The following S100A8 variants were observed in gnomAD, a reference collection of about 807,000 sequenced individuals.
S100A8 encodes protein S100-A8.
In S100A8, 1 loss-of-function variant was observed where a neutral mutation model predicts 4.2. The observed-to-expected ratio is 0.24, with a 90% CI of 0.08 to 1.12. S100A8 has a LOEUF of 1.12. Ranked by LOEUF, S100A8 falls within the 50% of genes most tolerant of loss-of-function variation. The pLI is 0.53. For missense variants in S100A8, 96 were observed against 111.8 expected (o/e 0.86, Z 0.64); for synonymous variants, 41 against 44.7 (o/e 0.92, Z 0.33).
chr1:153,403,588 G>A, the S100A8 span, among the ~76,000 whole-genome samples: 12 of 151,370 alleles, frequency 7.9e-5, no homozygotes, highest in South Asian at 6.3e-4. Context: ...CCCACTCCAC[G>A]TCCACCCTGT....
chr1:153,416,051 G>A, the S100A8 span, among the ~76,000 whole-genome samples: 1 of 152,202 alleles, frequency 6.6e-6, no homozygotes, highest in Non-Finnish European at 1.5e-5. Context: ...TGAGGGGAGG[G>A]TTGAGGAGGA....
the S100A8 span, among the ~76,000 whole-genome samples, chr1:153,398,762 G>A: frequency 3.9e-5 from 6 of 152,140 alleles, no homozygotes; most frequent in South Asian, 2.1e-4. Context: ...TAACCCTCAC[G>A]TGGGCCATAG....
the S100A8 span, among the ~76,000 whole-genome samples, chr1:153,400,387 C>G: frequency 6.6e-6 from 1 of 152,086 alleles, no homozygotes; most frequent in African/African-American, 2.4e-5. Flanking sequence ...CCAACTCACC[C>G]CAACACAAGA....
At chr1:153,417,726 G>A in the S100A8 span, among the ~76,000 whole-genome samples, 4 of 152,192 alleles carry the variant, frequency 2.6e-5, no homozygotes, top group African/African-American at 7.2e-5. Flanking sequence ...AGTGGGGTCC[G>A]CCATGTGCTG....
At chr1:153,402,819 A>C in the S100A8 span, among the ~76,000 whole-genome samples, 1 of 152,188 alleles carries the variant, frequency 6.6e-6, no homozygotes, top group Non-Finnish European at 1.5e-5. Flanking sequence ...GGGAATCATG[A>C]AAAAGAAAAG....
At chr1:153,416,506 C>G in the S100A8 span, 110 of 467,370 alleles carry the variant, frequency 2.4e-4, 1 homozygote, top group Admixed American at 2.8e-3. Context: ...AAGGACTGCT[C>G]TTTGTCCAAA....
the S100A8 span, among the ~76,000 whole-genome samples, chr1:153,411,430 G>A: frequency 4.6e-5 from 7 of 152,272 alleles, no homozygotes; most frequent in South Asian, 2.1e-4. Context: ...CAAGGGATGC[G>A]AACAACCTCT....
intron 1 of S100A8, chr1:153,390,767 CAT>C (rs1662074881): frequency 3.2e-6 from 2 of 628,454 alleles, no homozygotes; most frequent in African/African-American, 1.8e-5. Context: ...CACACAGAGA[CAT>C]GTGCACACAC....
At position 153,390,749 on chromosome 1, in the gene S100A8, G is replaced by GGGAAGT. The variant is rs1337536254; in HGVS notation, c.-22-193_-22-192insACTTCC. The GGGAAGT allele has an allele frequency of 7.2e-6, 5 of 692,568 alleles. No individual in the cohort carries two copies. The African/African-American group carries it at 9.0e-5, about 12-fold the overall frequency. 42.9% of individuals were successfully genotyped at this position (692,568 alleles called of 1,614,324 possible). On this transcript the variant is annotated intron_variant, in intron 1 of 2. Transcript: ENST00000368733. Reference sequence around the variant, plus strand: ...GGGATACACGTGTGGGAAGGGGAAGGGTCCATTCACACAGAGACATGTGCA... The same window carrying GGGAAGT: ...GGGATACACGTGTGGGAAGGGGAAGGGGAAGTGTCCATTCACACAGAGACATGTGCA...
At chr1:153,399,897 C>T in the S100A8 span, among the ~76,000 whole-genome samples, 1 of 152,204 alleles carries the variant, frequency 6.6e-6, no homozygotes, top group Non-Finnish European at 1.5e-5. Flanking sequence ...GCGCGGCCCC[C>T]TCAGGGGATG....
the S100A8 span, among the ~76,000 whole-genome samples, chr1:153,408,226 G>GA: frequency 6.6e-6 from 1 of 151,928 alleles, no homozygotes; most frequent in African/African-American, 2.4e-5. Context: ...TAAAAACTTT[G>GA]AAAAAAAGAT....
At chr1:153,418,503 C>A in the S100A8 span, among the ~76,000 whole-genome samples, 1 of 152,002 alleles carries the variant, frequency 6.6e-6, no homozygotes, top group Non-Finnish European at 1.5e-5. Flanking sequence ...GCTCACTGAC[C>A]CTCTCTCTGT....
the S100A8 span, among the ~76,000 whole-genome samples, chr1:153,417,008 A>ATC: frequency 2.0e-4 from 30 of 152,284 alleles, no homozygotes; most frequent in Non-Finnish European, 3.4e-4. Context: ...TTCTCAGTCA[A>ATC]TCTCTGGGCA....
chr1:153,390,804 C>T, intron 1 of S100A8: 2 of 542,222 alleles, frequency 3.7e-6, no homozygotes, highest in South Asian at 5.8e-5. Context: ...CTTTCCTTAC[C>T]ACCCCACCCT....
chr1:153,390,720 G>C lies in S100A8; in HGVS notation c.-22-163C>G, dbSNP rs1662073231. ...ATGGCTCTGGTGGGAAGGGTGGGATGATAGGGATACACGTGTGGGAAGGGG... is the reference window on the plus strand; with the variant it reads ...ATGGCTCTGGTGGGAAGGGTGGGATCATAGGGATACACGTGTGGGAAGGGG... On this transcript the variant is annotated intron_variant, in intron 1 of 2. Coordinates refer to ENST00000368733, the MANE Select transcript of S100A8 (RefSeq NM_002964.5). 8.2e-6 allele frequency: 7 copies of C among 852,912 alleles called. No individual in the cohort carries two copies. In the South Asian group the frequency reaches 1.0e-4, roughly 12 times the overall value. The allele number at this position is 852,912 out of a possible 1,614,324, so 52.8% of individuals were successfully genotyped here.
chr1:153,420,303 C>G, the S100A8 span: 1 of 152,230 alleles, frequency 6.6e-6, no homozygotes, highest in Admixed American at 6.5e-5. Context: ...ACTGGCGGGT[C>G]TCTCCATGCA....
upstream of S100A8, among the ~76,000 whole-genome samples, chr1:153,395,005 C>A (rs111374027): frequency 6.6e-6 from 1 of 152,118 alleles, no homozygotes; most frequent in Non-Finnish European, 1.5e-5. Flanking sequence ...GCAGAGGAGA[C>A]CCTCCCTAAG....
At chr1:153,416,375 C>T in the S100A8 span, 2 of 221,190 alleles carry the variant, frequency 9.0e-6, no homozygotes, top group Non-Finnish European at 1.9e-5. Context: ...GGCCAGAAAT[C>T]CTGAGCACAG....
upstream of S100A8, among the ~76,000 whole-genome samples, chr1:153,392,871 CA>C (rs1418515273): frequency 6.6e-6 from 1 of 152,218 alleles, no homozygotes; most frequent in Non-Finnish European, 1.5e-5. Flanking sequence ...CAGTGCCCAG[CA>C]CACACAATAA....
Sources: allele counts gnomAD v4.1 joint callset (sites outside exome capture counted in the v4.1 genomes callset), GRCh38; gene constraint gnomAD v4.1.1; transcripts MANE v1.5; gene names NCBI Gene and HGNC (gene_info 2026-07-23, HGNC 2026-07-21).